The following TMSB15B variants were observed in gnomAD, a reference collection of about 807,000 sequenced individuals.
TMSB15B encodes thymosin beta 15B, also known as thymosin beta-15B.
At chrX:103,935,843 GTTTTTT>G (rs1165751386) in intron 1 of TMSB15B, among the ~76,000 whole-genome samples, 3 of 80,178 alleles carry the variant, frequency 3.7e-5, no homozygotes, top group Non-Finnish European at 7.4e-5. Context: ...CATAGGAGTT[GTTTTTT>G]TTTTTTTTTT....
intron 1 of TMSB15B, among the ~76,000 whole-genome samples, chrX:103,940,259 C>T (rs1238594839): frequency 1.8e-5 from 2 of 112,225 alleles, no homozygotes; most frequent in African/African-American, 6.5e-5. Flanking sequence ...CGCCCACAGC[C>T]GCCCCTTCTC....
intron 1 of TMSB15B, among the ~76,000 whole-genome samples, chrX:103,930,865 C>T (rs1486050899): frequency 9.0e-6 from 1 of 110,785 alleles, no homozygotes; most frequent in Non-Finnish European, 1.9e-5. Context: ...AACAGATTCA[C>T]AATATATAAC....
chrX:103,950,288 C>T (rs1212765854), intron 1 of TMSB15B, among the ~76,000 whole-genome samples: 6 of 111,350 alleles, frequency 5.4e-5, no homozygotes, highest in Non-Finnish European at 1.1e-4. Context: ...ATGAAACAGA[C>T]ATTCCAAAGG....
chrX:103,951,354 T>C (rs1434412758), intron 1 of TMSB15B, among the ~76,000 whole-genome samples: 2 of 111,961 alleles, frequency 1.8e-5, no homozygotes, highest in East Asian at 5.6e-4. Flanking sequence ...TAGGAGTCTG[T>C]AGAAGTTCTC....
chrX:103,935,035 A>T (rs1386660357), intron 1 of TMSB15B, among the ~76,000 whole-genome samples: 32 of 112,248 alleles, frequency 2.9e-4, no homozygotes, highest in African/African-American at 1.0e-3. Flanking sequence ...TCGCCACTCT[A>T]ACTGGCGTGA....
intron 1 of TMSB15B, among the ~76,000 whole-genome samples, chrX:103,952,423 CACAA>C: frequency 9.0e-6 from 1 of 111,439 alleles, no homozygotes; most frequent in Admixed American, 9.5e-5. Context: ...AAGTCACTTA[CACAA>C]CTTTTAGGAT....
chrX:103,930,748 TA>T (rs2074982698), intron 1 of TMSB15B, among the ~76,000 whole-genome samples: 1 of 106,502 alleles, frequency 9.4e-6, no homozygotes. Context: ...ATAATAATAA[TA>T]ATAATAATAA....
intron 1 of TMSB15B, among the ~76,000 whole-genome samples, chrX:103,954,907 C>G (rs1354673147): frequency 1.8e-5 from 2 of 111,807 alleles, no homozygotes; most frequent in Admixed American, 1.9e-4. Context: ...TCCACTAGCA[C>G]TTGGCTGTAG....
Position 103,947,110 on chromosome X carries a change from G to GA in TMSB15B, c.-720-14901dup, listed in dbSNP as rs1354854926. On this transcript the variant is annotated intron_variant, in intron 1 of 3. Transcript: ENST00000419165. ...GCATTATTTGTAATAGCCCCACACTGAAAAAAAAAACCAAGAGCCCACAAG... is the reference window on the plus strand; with the variant it reads ...GCATTATTTGTAATAGCCCCACACTGAAAAAAAAAAACCAAGAGCCCACAAG... Among the ~76,000 whole-genome samples the GA allele has an allele frequency of 5.4e-3, 556 of 102,304 alleles. 4 individuals are homozygous for GA. The highest frequency in any genetic ancestry group is 0.017 in the African/African-American group (488 of 28,190). The allele number at this position is 102,304 out of a possible 115,157, so 88.8% of individuals were successfully genotyped here.
intron 1 of TMSB15B, among the ~76,000 whole-genome samples, chrX:103,929,427 G>A (rs781826989): frequency 2.1e-4 from 23 of 111,790 alleles, no homozygotes; most frequent in Admixed American, 7.6e-4. Context: ...TCAAAGAACT[G>A]TGCTTGACTC....
intron 1 of TMSB15B, among the ~76,000 whole-genome samples, chrX:103,945,797 G>A (rs1363709142): frequency 8.9e-6 from 1 of 112,203 alleles, no homozygotes; most frequent in Non-Finnish European, 1.9e-5. Context: ...CTATACTAGT[G>A]ACATGTATAA....
Position 103,942,124 on chromosome X carries a change from G to A in TMSB15B, c.-720-19897G>A, listed in dbSNP as rs781940901. Among the ~76,000 whole-genome samples, 7 of 111,553 alleles carry A rather than the reference G, an allele frequency of 6.3e-5. No homozygotes were observed. The East Asian group carries it at 1.4e-3, about 22-fold the overall frequency. On this transcript the variant is annotated intron_variant, in intron 1 of 3. Coordinates refer to the TMSB15B transcript ENST00000419165. ...AAATTCTAATTATAAGATAGATACCGAAGTTATCAATCCTTTTTTATGGTA... is the reference window on the plus strand; with the variant it reads ...AAATTCTAATTATAAGATAGATACCAAAGTTATCAATCCTTTTTTATGGTA...
At chrX:103,934,643 A>G (rs1285168729) in intron 1 of TMSB15B, among the ~76,000 whole-genome samples, 1 of 111,474 alleles carries the variant, frequency 9.0e-6, no homozygotes, top group African/African-American at 3.3e-5. Context: ...TTCCAGCTTC[A>G]TCCATGTCCC....
chrX:103,944,645 A>G (rs2075020685), intron 1 of TMSB15B, among the ~76,000 whole-genome samples: 1 of 111,705 alleles, frequency 9.0e-6, no homozygotes, highest in Non-Finnish European at 1.9e-5. Context: ...CTAGCTCTCC[A>G]TCTGCACCAG....
intron 1 of TMSB15B, chrX:103,928,180 C>T (rs6621755): frequency 0.35 from 411,602 of 1,174,505 alleles, 51,311 homozygotes; most frequent in Admixed American, 0.64. Context: ...GCTGGCACTC[C>T]CAGGCCTATG....
At chrX:103,929,974 C>T (rs375183222) in intron 1 of TMSB15B, among the ~76,000 whole-genome samples, 3 of 110,485 alleles carry the variant, frequency 2.7e-5, no homozygotes, top group Non-Finnish European at 5.7e-5. Flanking sequence ...CCAATTAACT[C>T]GTCATTTAGC....
chrX:103,939,702 G>A (rs782513273), intron 1 of TMSB15B, among the ~76,000 whole-genome samples: 2 of 111,289 alleles, frequency 1.8e-5, no homozygotes, highest in East Asian at 5.8e-4. Context: ...TCCCTTGCTG[G>A]GGAGAAGTTG....
intron 1 of TMSB15B, among the ~76,000 whole-genome samples, chrX:103,948,915 C>T (rs1220423867): frequency 1.8e-5 from 2 of 111,667 alleles, no homozygotes; most frequent in African/African-American, 6.5e-5. Flanking sequence ...TGTTAGATGG[C>T]GATGAAGCAA....
intron 1 of TMSB15B, among the ~76,000 whole-genome samples, chrX:103,925,148 A>C (rs782551194): frequency 1.5e-4 from 17 of 111,648 alleles, no homozygotes; most frequent in Non-Finnish European, 2.4e-4. Context: ...ATCTCATTTT[A>C]TGTTACTAAT....
Sources: allele counts gnomAD v4.1 joint callset (sites outside exome capture counted in the v4.1 genomes callset), GRCh38; gene constraint gnomAD v4.1.1; transcripts MANE v1.5; gene names NCBI Gene and HGNC (gene_info 2026-07-23, HGNC 2026-07-21).